The following TENM2 variants were observed in gnomAD, a reference collection of about 807,000 sequenced individuals.
The protein encoded by TENM2 is teneurin transmembrane protein 2, also known as teneurin-2.
TENM2 carries 52 observed loss-of-function variants against 245.2 expected under a neutral mutation model. The observed-to-expected ratio is 0.21, with a 90% CI of 0.17 to 0.27. TENM2 has a LOEUF of 0.27. TENM2 is among the 10% of genes least tolerant of loss of function. The pLI is 1.00. For missense variants in TENM2, 3,046 were observed against 3,666.8 expected (o/e 0.83, Z 4.37); for synonymous variants, 1,363 against 1,438.9 (o/e 0.95, Z 1.19).
intron 2 of TENM2, among the ~76,000 whole-genome samples, chr5:167,588,196 C>T (rs565280260): frequency 1.3e-4 from 20 of 152,302 alleles, no homozygotes; most frequent in African/African-American, 4.1e-4. Flanking sequence ...CACTGGATAA[C>T]GTAATAGAAA....
intron 2 of TENM2, among the ~76,000 whole-genome samples, chr5:167,796,942 C>A (rs1483108499): frequency 1.3e-5 from 2 of 151,938 alleles, no homozygotes; most frequent in African/African-American, 4.8e-5. Context: ...TTTCCTCCCT[C>A]ATACTGTCAA....
chr5:167,776,870 C>T (rs1763844324), intron 2 of TENM2, among the ~76,000 whole-genome samples: 1 of 152,010 alleles, frequency 6.6e-6, no homozygotes, highest in African/African-American at 2.4e-5. Flanking sequence ...ACATGTTCCC[C>T]ATCATTTTTT....
intron 12 of TENM2, among the ~76,000 whole-genome samples, chr5:168,134,438 C>A (rs1754863301): frequency 6.6e-6 from 1 of 152,174 alleles, no homozygotes; most frequent in Admixed American, 6.5e-5. Flanking sequence ...GTAATCCCAG[C>A]ACTTTGGGAG....
At chr5:167,971,261 A>G (rs561255121) in intron 4 of TENM2, among the ~76,000 whole-genome samples, 37 of 118,308 alleles carry the variant, frequency 3.1e-4, no homozygotes, top group African/African-American at 1.3e-3. Flanking sequence ...AGAGAGAGAG[A>G]GAGAAAGAAA....
chr5:167,999,851 A>T (rs1002089308), intron 5 of TENM2, among the ~76,000 whole-genome samples: 3 of 152,230 alleles, frequency 2.0e-5, no homozygotes, highest in African/African-American at 7.2e-5. Context: ...GAACATCGTA[A>T]TACAGAGCCA....
chr5:167,709,752 A>G (rs1758780796), intron 2 of TENM2, among the ~76,000 whole-genome samples: 1 of 152,204 alleles, frequency 6.6e-6, no homozygotes, highest in African/African-American at 2.4e-5. Context: ...TTGTCTCTTC[A>G]AGAAAATGGC....
chr5:168,165,650 C>CCCA, intron 13 of TENM2, among the ~76,000 whole-genome samples: 1 of 13,370 alleles, frequency 7.5e-5, no homozygotes, highest in Non-Finnish European at 2.1e-4. Context: ...CCCCCCCAAC[C>CCCA]CCCCCCCCCC....
At chr5:168,158,797 TAA>T in intron 12 of TENM2, among the ~76,000 whole-genome samples, 1 of 104,574 alleles carries the variant, frequency 9.6e-6, no homozygotes, top group South Asian at 3.3e-4. Flanking sequence ...CCATCTCTAC[TAA>T]AAAAAAAATG....
At chr5:167,782,893 C>T (rs1373430950) in intron 2 of TENM2, among the ~76,000 whole-genome samples, 1 of 152,192 alleles carries the variant, frequency 6.6e-6, no homozygotes, top group Admixed American at 6.5e-5. Context: ...TGAACACAGG[C>T]CTGCTCGCCC....
intron 2 of TENM2, among the ~76,000 whole-genome samples, chr5:167,700,165 A>T (rs929755136): frequency 6.6e-6 from 1 of 152,218 alleles, no homozygotes; most frequent in African/African-American, 2.4e-5. Flanking sequence ...GACTCAAAAA[A>T]TTTACAAAAT....
At chr5:167,018,562 G>T in the TENM2 span, among the ~76,000 whole-genome samples, 2 of 152,030 alleles carry the variant, frequency 1.3e-5, no homozygotes, top group Non-Finnish European at 2.9e-5. Flanking sequence ...TTTATTTTTA[G>T]GGTGGCAGAC....
the TENM2 span, among the ~76,000 whole-genome samples, chr5:167,270,724 G>A: frequency 6.6e-6 from 1 of 152,120 alleles, no homozygotes; most frequent in African/African-American, 2.4e-5. Context: ...ATGGCCAAAG[G>A]GCAGGGGAGA....
Position 167,586,462 on chromosome 5 carries a change from A to G in TENM2, c.502+210989A>G, listed in dbSNP as rs560690694. On this transcript the variant is annotated intron_variant, in intron 2 of 28. Transcript: ENST00000518659. ...TAAATGATTTCAATGTATAACTGTA[A>G]TTTCTCTTTTAATTTGGGACATATC... Among the ~76,000 whole-genome samples the G allele has an allele frequency of 5.9e-5, 9 of 152,218 alleles. No individual in the cohort carries two copies. The South Asian group carries it at 1.9e-3, about 32-fold the overall frequency.
At chr5:167,279,717 T>A in the TENM2 span, among the ~76,000 whole-genome samples, 1 of 152,180 alleles carries the variant, frequency 6.6e-6, no homozygotes, top group East Asian at 1.9e-4. Context: ...ATTTCAGTTC[T>A]GAAATTTTCA....
At chr5:167,974,787 T>C (rs1782312855) in intron 4 of TENM2, among the ~76,000 whole-genome samples, 1 of 152,168 alleles carries the variant, frequency 6.6e-6, no homozygotes, top group South Asian at 2.1e-4. Flanking sequence ...CCTCCTAGAA[T>C]CAGCAGGGCT....
At chr5:167,109,325 G>C in the TENM2 span, among the ~76,000 whole-genome samples, 1 of 150,514 alleles carries the variant, frequency 6.6e-6, no homozygotes, top group African/African-American at 2.4e-5. Flanking sequence ...GTAATGAAAT[G>C]TTCACCGAGA....
intron 2 of TENM2, among the ~76,000 whole-genome samples, chr5:167,597,410 G>A (rs1293615864): frequency 2.0e-5 from 3 of 151,958 alleles, no homozygotes; most frequent in Non-Finnish European, 2.9e-5. Context: ...CAGGCAATCC[G>A]GCCTCAAGTG....
At chr5:168,015,238 T>C (rs934423649) in intron 5 of TENM2, among the ~76,000 whole-genome samples, 1 of 152,036 alleles carries the variant, frequency 6.6e-6, no homozygotes, top group Non-Finnish European at 1.5e-5. Flanking sequence ...GTGCAGGAAA[T>C]GATGGGAAAA....
At chr5:168,069,514 A>G (rs1182721848) in intron 7 of TENM2, among the ~76,000 whole-genome samples, 2 of 152,170 alleles carry the variant, frequency 1.3e-5, no homozygotes, top group African/African-American at 4.8e-5. Flanking sequence ...TGATGTCTAA[A>G]CCCACTTGGA....
Sources: allele counts gnomAD v4.1 joint callset (sites outside exome capture counted in the v4.1 genomes callset), GRCh38; gene constraint gnomAD v4.1.1; transcripts MANE v1.5; gene names NCBI Gene and HGNC (gene_info 2026-07-23, HGNC 2026-07-21).